Variants in UGGT2 observed in about 807,000 individuals in gnomAD.
UGGT2 encodes UDP-glucose glycoprotein glucosyltransferase 2, also known as UDP-glucose:glycoprotein glucosyltransferase 2.
Under a neutral mutation model 192.1 loss-of-function variants are expected in UGGT2, and 180 were observed. The ratio of observed to expected loss-of-function variants is 0.94; its 90% CI spans 0.83 to 1.06. The LOEUF is 1.06. Among genes scored for constraint, UGGT2 ranks in the 50% least tolerant of loss-of-function variants. The pLI is 0.00. For missense variants in UGGT2, 1,849 were observed against 1,795.7 expected, an observed-to-expected ratio of 1.03 and a Z score of -0.54; for synonymous variants, 580 against 591.0, an observed-to-expected ratio of 0.98 and a Z score of 0.27.
chr13:96,040,756 G>C (rs1283766258), intron 1 of UGGT2, among the ~76,000 whole-genome samples: 1 of 152,120 alleles, frequency 6.6e-6, no homozygotes, highest in African/African-American at 2.4e-5. Flanking sequence ...CAAGTGATGG[G>C]GTTTGTAAAT....
intron 1 of UGGT2, among the ~76,000 whole-genome samples, chr13:96,037,683 T>C (rs1455717147): frequency 6.6e-6 from 1 of 152,196 alleles, no homozygotes; most frequent in Non-Finnish European, 1.5e-5. Flanking sequence ...TAAAGCATTA[T>C]TCTTAAAAAT....
intron 3 of UGGT2, among the ~76,000 whole-genome samples, 175 bp from the exon 4 acceptor site, chr13:96,023,327 T>C (rs2052568804): frequency 6.6e-6 from 1 of 152,098 alleles, no homozygotes; most frequent in African/African-American, 2.4e-5. Flanking sequence ...TTTAATAAAA[T>C]CAACTTTATC....
intron 20 of UGGT2, among the ~76,000 whole-genome samples, chr13:95,908,274 T>A (rs898273313): frequency 6.6e-6 from 1 of 152,218 alleles, no homozygotes; most frequent in Non-Finnish European, 1.5e-5. Flanking sequence ...TACGTATGAC[T>A]GGTGTACCTG....
chr13:95,876,692 G>T (rs1453443261), intron 29 of UGGT2, among the ~76,000 whole-genome samples: 1 of 152,098 alleles, frequency 6.6e-6, no homozygotes, highest in Non-Finnish European at 1.5e-5. Flanking sequence ...ACTCTTCAAT[G>T]TGTCTTTCTT....
intron 12 of UGGT2, among the ~76,000 whole-genome samples, chr13:95,963,646 C>T (rs1472953790): frequency 6.6e-6 from 1 of 152,118 alleles, no homozygotes; most frequent in African/African-American, 2.4e-5. Context: ...AAACCAAGGA[C>T]TCCACCAGAA....
intron 32 of UGGT2, 50 bp from the exon 33 acceptor site, chr13:95,859,725 CAT>C (rs770978003): frequency 4.3e-5 from 57 of 1,327,440 alleles, no homozygotes; most frequent in Non-Finnish European, 5.6e-5. Flanking sequence ...AACAGGAGCT[CAT>C]ATATATTTTT....
chr13:95,951,192 A>C (rs2050049863), intron 12 of UGGT2, among the ~76,000 whole-genome samples: 1 of 152,202 alleles, frequency 6.6e-6, no homozygotes, highest in Admixed American at 6.5e-5. Flanking sequence ...TGTCTAAATA[A>C]AGGAAGGCAT....
At chr13:95,931,398 C>T (rs1263362844) in intron 17 of UGGT2, among the ~76,000 whole-genome samples, 1 of 152,080 alleles carries the variant, frequency 6.6e-6, no homozygotes, top group Non-Finnish European at 1.5e-5. Flanking sequence ...ACACCTGGGC[C>T]GCAGGGGGAG....
At chr13:95,983,321 G>A (rs1298701628) in intron 10 of UGGT2, among the ~76,000 whole-genome samples, 1 of 152,152 alleles carries the variant, frequency 6.6e-6, no homozygotes, top group Non-Finnish European at 1.5e-5. Flanking sequence ...ATAAAGCCAG[G>A]CAGTGGTGTA....
At chr13:95,863,891 C>G (rs1398297972) in intron 30 of UGGT2, among the ~76,000 whole-genome samples, 177 bp from the exon 31 acceptor site, 1 of 152,158 alleles carries the variant, frequency 6.6e-6, no homozygotes, top group Non-Finnish European at 1.5e-5. Context: ...CTTTAACTAT[C>G]AATTCAACCT....
At chr13:95,849,414 G>A (rs1407328648) in intron 36 of UGGT2, among the ~76,000 whole-genome samples, 1 of 151,864 alleles carries the variant, frequency 6.6e-6, no homozygotes, top group Non-Finnish European at 1.5e-5. Flanking sequence ...GTGGTGGCAA[G>A]CGCCTGTAGT....
At chr13:95,964,683 G>A in intron 12 of UGGT2, among the ~76,000 whole-genome samples, 1 of 151,990 alleles carries the variant, frequency 6.6e-6, no homozygotes, top group East Asian at 1.9e-4. Context: ...CATAGGCATG[G>A]GCAAGGACTT....
intron 37 of UGGT2, 93 bp downstream of exon 37, chr13:95,836,993 C>CAT (rs1228404595): frequency 9.3e-6 from 9 of 966,274 alleles, no homozygotes; most frequent in Non-Finnish European, 1.5e-5. Context: ...CGAAGTAATA[C>CAT]GTATGCCACT....
intron 26 of UGGT2, chr13:95,887,459 A>C: frequency 3.0e-6 from 1 of 328,276 alleles, no homozygotes; most frequent in South Asian, 2.7e-5. Flanking sequence ...AATTATAAAC[A>C]ACACTTTTTT....
At chr13:96,042,243 C>T (rs931861963) in intron 1 of UGGT2, among the ~76,000 whole-genome samples, 12 of 152,136 alleles carry the variant, frequency 7.9e-5, no homozygotes, top group Admixed American at 5.2e-4. Context: ...CCTGTTAGAC[C>T]TACTAGGTGG....
At position 96,030,124 on chromosome 13, in the gene UGGT2, G is replaced by A. The variant is rs112712805; in HGVS notation, c.241+1765C>T. On this transcript the variant is annotated intron_variant, in intron 2 of 38. Coordinates refer to ENST00000376747, the MANE Select transcript of UGGT2 (RefSeq NM_020121.4). ...GAGGTTCCTCCACACATTCCATTCC[G>A]GTCTCTTCTACTCATTTGTGTTCCC... Among the ~76,000 whole-genome samples the A allele has an allele frequency of 6.3e-4, 96 of 152,148 alleles. 1 individual carries two copies. Among genetic ancestry groups the A allele is most frequent in the African/African-American group, 2.0e-3 (81 of 41,512 alleles).
intron 2 of UGGT2, among the ~76,000 whole-genome samples, chr13:96,024,153 T>C (rs990987722): frequency 2.6e-5 from 4 of 152,218 alleles, no homozygotes; most frequent in African/African-American, 9.6e-5. Context: ...AGTACCTGTA[T>C]GAATAAATTC....
At chr13:95,860,711 A>G (rs1890079846) in intron 32 of UGGT2, 77 bp downstream of exon 32, 1 of 960,270 alleles carries the variant, frequency 1.0e-6, no homozygotes, top group Non-Finnish European at 1.5e-6. Context: ...CCCAGTGTAT[A>G]TTCCTTTATT....
intron 12 of UGGT2, among the ~76,000 whole-genome samples, chr13:95,965,626 TG>T (rs560953390): frequency 0.025 from 3,771 of 149,796 alleles, 63 homozygotes; most frequent in Non-Finnish European, 0.033. Flanking sequence ...TAGCATTAGG[TG>T]ATATACCTAA....
Sources: allele counts gnomAD v4.1 joint callset (sites outside exome capture counted in the v4.1 genomes callset), GRCh38; gene constraint gnomAD v4.1.1; transcripts MANE v1.5; gene names NCBI Gene and HGNC (gene_info 2026-07-23, HGNC 2026-07-21).